BCAS3: variants seen among roughly 807,000 people sequenced by gnomAD.
The protein encoded by BCAS3 is BCAS4/BCAS3 fusion.
A neutral mutation model predicts 116.1 loss-of-function variants in BCAS3; 53 were observed. The ratio of observed to expected loss-of-function variants is 0.46; its 90% confidence interval spans 0.37 to 0.57. The LOEUF (loss-of-function observed/expected upper bound fraction) is 0.57. BCAS3 is among the 20% of genes least tolerant of loss of function. The pLI, the probability that BCAS3 is intolerant of heterozygous loss-of-function variation, is 0.00. For missense variants in BCAS3, 917 were observed against 1,165.4 expected, an observed-to-expected ratio of 0.79 and a Z score of 3.10; for synonymous variants, 391 against 408.2, an observed-to-expected ratio of 0.96 and a Z score of 0.51.
At chr17:61,342,010 T>G (rs531764645) in intron 22 of BCAS3, among the ~76,000 whole-genome samples, 1 of 152,320 alleles carries the variant, frequency 6.6e-6, no homozygotes, top group East Asian at 1.9e-4. Flanking sequence ...GGTTTAGGGC[T>G]TGGTTCTTTT....
rs558456903 is a variant in BCAS3 at position 61,299,668 on chromosome 17, G to A, written c.2426-68659G>A. Among the ~76,000 whole-genome samples, 6 of 152,240 alleles carry A rather than the reference G, an allele frequency of 3.9e-5. No homozygotes were observed. The South Asian group carries it at 1.2e-3, about 32-fold the overall frequency. ...TTCACACACAGCTATTAGCCAGAGA[G>A]GTTTAGTTGCTTACCTGTGGTCACA... On this transcript the variant is annotated intron_variant, in intron 22 of 23. Coordinates refer to ENST00000407086, the MANE Select transcript of BCAS3 (RefSeq NM_017679.5).
rs1430393254 is a variant in BCAS3, at chr17:60,967,674, T to G, written c.1221+20322T>G. 6.6e-6 allele frequency among the ~76,000 whole-genome samples: 1 copy of G among 152,162 alleles called. No individual in the cohort carries two copies. The highest frequency in any genetic ancestry group is 1.5e-5 in the Non-Finnish European group (1 of 68,034). ...GAATACCAATAATTCTTAGATTTGGTCTTTTGAGGTAATTGTCTGCATCCT... is the reference window on the plus strand; with the variant it reads ...GAATACCAATAATTCTTAGATTTGGGCTTTTGAGGTAATTGTCTGCATCCT... On this transcript the variant is annotated intron_variant, in intron 14 of 23. Coordinates refer to ENST00000407086, the MANE Select transcript of BCAS3 (RefSeq NM_017679.5). The surrounding 1 kb of genome is among the most constrained non-coding windows in gnomAD (Gnocchi z 4.7).
At chr17:61,383,207 C>T (rs184445477) in intron 23 of BCAS3, 118 of 152,348 alleles carry the variant, frequency 7.7e-4, no homozygotes, top group African/African-American at 2.7e-3. Context: ...GGGGAAGGGC[C>T]TCACCGTGTC....
At chr17:60,958,914 A>G (rs975294599) in intron 14 of BCAS3, among the ~76,000 whole-genome samples, 7 of 152,204 alleles carry the variant, frequency 4.6e-5, no homozygotes, top group East Asian at 1.9e-4. Context: ...CAAATTAACA[A>G]ATTAACTCAA....
rs1447239343 is a variant in BCAS3, at chr17:61,309,367, A to G, written c.2426-58960A>G. Among the ~76,000 whole-genome samples, 2 of 152,108 alleles carry G rather than the reference A, an allele frequency of 1.3e-5. No homozygotes were observed. Among genetic ancestry groups the G allele is most frequent in the African/African-American group, 4.8e-5 (2 of 41,426 alleles). On this transcript the variant is annotated intron_variant, in intron 22 of 23. Transcript: ENST00000407086. This position sits in a 1 kb window ranked among gnomAD's most constrained non-coding sequence, Gnocchi z 4.6. Reference sequence around the variant, plus strand: ...TTTTTGACGGAACTGGTATGGGCAGATGAGCATGCCTGAGTACTGAACACT... The same window carrying G: ...TTTTTGACGGAACTGGTATGGGCAGGTGAGCATGCCTGAGTACTGAACACT...
chr17:60,963,801 C>T (rs1281325567), intron 14 of BCAS3, among the ~76,000 whole-genome samples: 7 of 152,124 alleles, frequency 4.6e-5, no homozygotes, highest in Admixed American at 6.5e-5. Context: ...ATGATCCACC[C>T]GCCTCGGCCT....
At chr17:61,301,312 A>G (rs367802686) in intron 22 of BCAS3, among the ~76,000 whole-genome samples, 1 of 152,176 alleles carries the variant, frequency 6.6e-6, no homozygotes, top group African/African-American at 2.4e-5. Flanking sequence ...CCCTGGTGTA[A>G]ATTGCAACAG....
rs943993817 is a variant in BCAS3 at position 61,140,862 on chromosome 17, T to C, written c.2425+56298T>C. Among the ~76,000 whole-genome samples the C allele has an allele frequency of 6.6e-6, 1 of 152,122 alleles. No individual in the cohort carries two copies. Among genetic ancestry groups the C allele is most frequent in the African/African-American group, 2.4e-5 (1 of 41,410 alleles). On this transcript the variant is annotated intron_variant, in intron 22 of 23. Coordinates refer to ENST00000407086, the MANE Select transcript of BCAS3 (RefSeq NM_017679.5). This position sits in a 1 kb window ranked among gnomAD's most constrained non-coding sequence, Gnocchi z 4.2. ...TTGATGGTACATGATTTAAGGGAAA[T>C]CTTGTACTAATCTGCAAGTATCCTG...
intron 16 of BCAS3, among the ~76,000 whole-genome samples, chr17:61,027,121 CAAAA>C (rs369879283): frequency 1.9e-5 from 2 of 106,208 alleles, no homozygotes; most frequent in African/African-American, 3.2e-5. Context: ...AAGTAAAAAA[CAAAA>C]AAAAAAAAAC....
At chr17:61,038,137 C>T in intron 18 of BCAS3, 83 bp downstream of exon 18, 1 of 1,248,874 alleles carries the variant, frequency 8.0e-7, no homozygotes, top group Non-Finnish European at 1.1e-6. Flanking sequence ...TAAGTTTTGA[C>T]ATGCATACAG....
chr17:60,989,485 T>G (rs1488533613), intron 14 of BCAS3, among the ~76,000 whole-genome samples: 1 of 152,070 alleles, frequency 6.6e-6, no homozygotes, highest in Non-Finnish European at 1.5e-5. Flanking sequence ...AGTTGTTTTT[T>G]TTTTTTTTTA....
At chr17:60,782,938 T>C (rs998300719) in intron 6 of BCAS3, among the ~76,000 whole-genome samples, 2 of 152,088 alleles carry the variant, frequency 1.3e-5, no homozygotes, top group Non-Finnish European at 2.9e-5. Context: ...CAATTAAATT[T>C]GGGGCCCCAA....
In BCAS3 at chr17:61,222,155, T is replaced by C. The variant is rs1316140263; in HGVS notation, c.2425+137591T>C. Reference sequence around the variant, plus strand: ...CATAGATACAAATATAGAGAACATATAGTGGCAGAATAAATAAGCCAAGAT... The same window carrying C: ...CATAGATACAAATATAGAGAACATACAGTGGCAGAATAAATAAGCCAAGAT... On this transcript the variant is annotated intron_variant, in intron 22 of 23. Transcript: ENST00000407086. This position sits in a 1 kb window ranked among gnomAD's most constrained non-coding sequence, Gnocchi z 6.1. Among the ~76,000 whole-genome samples the C allele has an allele frequency of 1.3e-5, 2 of 152,070 alleles. No homozygotes were observed. The highest frequency in any genetic ancestry group is 2.9e-5 in the Non-Finnish European group (2 of 68,018).
At chr17:60,812,021 C>G (rs2048874812) in intron 7 of BCAS3, among the ~76,000 whole-genome samples, 2 of 151,716 alleles carry the variant, frequency 1.3e-5, no homozygotes, top group South Asian at 4.2e-4. Context: ...CCACTGCACT[C>G]CAGCCTGGGT....
chr17:60,948,154 G>C (rs750358449), intron 14 of BCAS3, among the ~76,000 whole-genome samples: 11 of 151,702 alleles, frequency 7.3e-5, no homozygotes, highest in Admixed American at 1.3e-4. Context: ...GCCCAGGCTA[G>C]AGTGCAGTGG....
Position 61,248,279 on chromosome 17 carries a change from T to G in BCAS3, c.2426-120048T>G, listed in dbSNP as rs991536483. Among the ~76,000 whole-genome samples the G allele has an allele frequency of 1.3e-5, 2 of 152,198 alleles. No individual in the cohort carries two copies. Among genetic ancestry groups the G allele is most frequent in the African/African-American group, 2.4e-5 (1 of 41,452 alleles). ...AAAGGCCTGATTTTTTCTTCTGAGT[T>G]GGATTGGATGGTTTAACATAATTTG... is the stretch of plus-strand genomic sequence containing the variant. On this transcript the variant is annotated intron_variant, in intron 22 of 23. Coordinates refer to ENST00000407086, the MANE Select transcript of BCAS3 (RefSeq NM_017679.5). This position sits in a 1 kb window ranked among gnomAD's most constrained non-coding sequence, Gnocchi z 4.3.
chr17:60,767,677 G>A (rs1197473500), intron 6 of BCAS3, among the ~76,000 whole-genome samples: 1 of 152,004 alleles, frequency 6.6e-6, no homozygotes, highest in African/African-American at 2.4e-5. Context: ...CTCTGTTGCT[G>A]GAAAATTATT....
chr17:61,078,189 T>A, intron 20 of BCAS3, 144 bp from the exon 21 acceptor site: 1 of 633,274 alleles, frequency 1.6e-6, no homozygotes, highest in Non-Finnish European at 2.8e-6. Context: ...ATCATCACCT[T>A]TTAATTATGG....
chr17:61,207,882 T>C (rs1262614557), intron 22 of BCAS3, among the ~76,000 whole-genome samples: 2 of 152,146 alleles, frequency 1.3e-5, no homozygotes, highest in Non-Finnish European at 2.9e-5. Context: ...AAGTGGTGGG[T>C]AGGAATAATT....
Sources: allele counts gnomAD v4.1 joint callset (sites outside exome capture counted in the v4.1 genomes callset), GRCh38; gene constraint gnomAD v4.1.1; non-coding constraint Gnocchi (gnomAD v3.1); transcripts MANE v1.5; gene names NCBI Gene and HGNC (gene_info 2026-07-23, HGNC 2026-07-21).